CEP85L: variants seen among roughly 807,000 people sequenced by gnomAD.
CEP85L encodes centrosomal protein of 85 kDa-like.
In CEP85L, 60 loss-of-function variants were observed where a neutral mutation model predicts 100.3. That is an observed-to-expected ratio of 0.60 (90% CI 0.49 to 0.74). The LOEUF (loss-of-function observed/expected upper bound fraction) is 0.74, where lower values mean the gene tolerates loss of function less well. Among genes scored for constraint, CEP85L ranks in the 30% least tolerant of loss-of-function variants. The pLI is 0.00. For synonymous variants in CEP85L, 319 were observed against 322.7 expected, an observed-to-expected ratio of 0.99 and a Z score of 0.12; for missense variants, 973 against 936.2, an observed-to-expected ratio of 1.04 and a Z score of -0.51.
chr6:118,550,498 T>C (rs1005037850), intron 3 of CEP85L, among the ~76,000 whole-genome samples: 3 of 151,854 alleles, frequency 2.0e-5, no homozygotes, highest in Non-Finnish European at 3.0e-5. Context: ...TAAAGAGCAA[T>C]TTCCTAATAT....
chr6:118,680,072 G>A (rs1031825359), intron 1 of CEP85L, among the ~76,000 whole-genome samples: 1 of 151,534 alleles, frequency 6.6e-6, no homozygotes, highest in Non-Finnish European at 1.5e-5. Flanking sequence ...AATCACTTGA[G>A]GCCAGGAATT....
intron 6 of CEP85L, among the ~76,000 whole-genome samples, chr6:118,490,945 T>A (rs62424195): frequency 0.16 from 24,951 of 151,864 alleles, 2,194 homozygotes; most frequent in Non-Finnish European, 0.19. Context: ...GCATTCAGGC[T>A]GGTTCCATAT....
At chr6:118,539,911 T>C (rs1018093248) in intron 3 of CEP85L, among the ~76,000 whole-genome samples, 3 of 152,192 alleles carry the variant, frequency 2.0e-5, no homozygotes, top group Non-Finnish European at 2.9e-5. Flanking sequence ...TTTCTTCTTT[T>C]ATATGTTAAA....
At chr6:118,553,247 T>G (rs970846106) in intron 3 of CEP85L, among the ~76,000 whole-genome samples, 5 of 146,794 alleles carry the variant, frequency 3.4e-5, no homozygotes, top group Non-Finnish European at 6.0e-5. Context: ...ACTCATACAG[T>G]GGTTGTCAGT....
chr6:118,613,727 A>G (rs914489956), intron 2 of CEP85L, among the ~76,000 whole-genome samples: 6 of 133,402 alleles, frequency 4.5e-5, no homozygotes, highest in African/African-American at 1.7e-4. Flanking sequence ...ACTGCACTCC[A>G]GCCTGGGCAA....
At chr6:118,510,485 G>T (rs531907709) in intron 5 of CEP85L, among the ~76,000 whole-genome samples, 87 of 152,086 alleles carry the variant, frequency 5.7e-4, no homozygotes, top group African/African-American at 2.0e-3. Context: ...ACTCTTAAGA[G>T]AAATACATAT....
intron 6 of CEP85L, among the ~76,000 whole-genome samples, chr6:118,485,873 T>A (rs1279643402): frequency 6.6e-6 from 1 of 152,250 alleles, no homozygotes; most frequent in South Asian, 2.1e-4. Flanking sequence ...CTATGTTTAC[T>A]TAATGCTCTC....
intron 1 of CEP85L, among the ~76,000 whole-genome samples, chr6:118,639,805 A>G (rs1345315429): frequency 6.6e-6 from 1 of 152,212 alleles, no homozygotes; most frequent in Admixed American, 6.5e-5. Flanking sequence ...ATGTTCACAG[A>G]ATAAAATTAG....
chr6:118,634,785 AT>A (rs1433324867), intron 1 of CEP85L, among the ~76,000 whole-genome samples: 2 of 152,164 alleles, frequency 1.3e-5, no homozygotes, highest in Non-Finnish European at 2.9e-5. Flanking sequence ...CTAAACTATT[AT>A]CAAAAATGGC....
intron 2 of CEP85L, among the ~76,000 whole-genome samples, chr6:118,587,097 T>C (rs1478199845): frequency 6.6e-6 from 1 of 152,206 alleles, no homozygotes; most frequent in Non-Finnish European, 1.5e-5. Context: ...AGACTAATTG[T>C]TGGGTCTGTC....
intron 2 of CEP85L, among the ~76,000 whole-genome samples, chr6:118,587,615 C>A (rs150904873): frequency 3.0e-4 from 46 of 152,242 alleles, no homozygotes; most frequent in Non-Finnish European, 4.9e-4. Context: ...AACTCCCCCC[C>A]ACCCATGGAA....
chr6:118,614,965 G>C (rs1043974632), intron 2 of CEP85L, among the ~76,000 whole-genome samples: 1 of 152,050 alleles, frequency 6.6e-6, no homozygotes, highest in Non-Finnish European at 1.5e-5. Context: ...ACTTATTTCT[G>C]TGTTCTATGT....
chr6:118,649,011 C>G (rs1004262090), intron 1 of CEP85L, among the ~76,000 whole-genome samples: 1 of 151,918 alleles, frequency 6.6e-6, no homozygotes. Context: ...AATTTCCTTC[C>G]AATTATCAGG....
intron 2 of CEP85L, among the ~76,000 whole-genome samples, chr6:118,590,209 T>C (rs1451822350): frequency 6.6e-6 from 1 of 152,148 alleles, no homozygotes; most frequent in Non-Finnish European, 1.5e-5. Flanking sequence ...TTCCCCTGTG[T>C]TGGTCACTGC....
chr6:118,532,972 A>G (rs544003922), intron 3 of CEP85L, among the ~76,000 whole-genome samples: 4 of 152,254 alleles, frequency 2.6e-5, no homozygotes, highest in South Asian at 4.1e-4. Context: ...GAAAATGAAA[A>G]TATCAAAATT....
At position 118,508,251 on chromosome 6, in the gene CEP85L, A is replaced by G. The variant is rs144713685; in HGVS notation, c.1257+3047T>C. Reference sequence around the variant, plus strand: ...ACCAATTGAAGAAAAAATAGAAAAAAATGATATAAATGGAAAGAAAAAGAA... The same window carrying G: ...ACCAATTGAAGAAAAAATAGAAAAAGATGATATAAATGGAAAGAAAAAGAA... On this transcript the variant is annotated intron_variant, in intron 5 of 12. Transcript: ENST00000368491. Among the ~76,000 whole-genome samples the G allele has an allele frequency of 2.3e-3, 350 of 152,294 alleles. 6 individuals carry two copies. The South Asian group carries it at 0.025, about 11-fold the overall frequency.
intron 2 of CEP85L, among the ~76,000 whole-genome samples, chr6:118,606,633 G>A (rs1306688045): frequency 1.3e-5 from 2 of 152,230 alleles, no homozygotes; most frequent in African/African-American, 4.8e-5. Flanking sequence ...AAGCTCCCAA[G>A]GACGTAAAAC....
chr6:118,521,457 AACCAAAG>A (rs1254007857), intron 4 of CEP85L, among the ~76,000 whole-genome samples: 1 of 152,210 alleles, frequency 6.6e-6, no homozygotes, highest in Non-Finnish European at 1.5e-5. Context: ...CTCATAAAGA[AACCAAAG>A]ATTATTTAAG....
At chr6:118,580,076 C>T (rs1317058523) in intron 2 of CEP85L, among the ~76,000 whole-genome samples, 2 of 152,170 alleles carry the variant, frequency 1.3e-5, no homozygotes, top group Non-Finnish European at 2.9e-5. Context: ...CCCCTGGACT[C>T]TATGCAAATC....
Sources: gnomAD v4.1 joint callset for allele counts (sites outside exome capture counted in the v4.1 genomes callset) on GRCh38, gnomAD v4.1.1 for gene constraint, MANE v1.5 for transcripts, NCBI Gene and HGNC (gene_info 2026-07-23, HGNC 2026-07-21) for gene names.